The following KIAA1328 variants were observed in gnomAD, a reference collection of about 807,000 sequenced individuals.
KIAA1328 encodes the protein protein hinderin.
A neutral mutation model predicts 68.1 loss-of-function variants in KIAA1328; 52 were observed. The ratio of observed to expected loss-of-function variants is 0.76; its 90% CI spans 0.61 to 0.96. KIAA1328 has a LOEUF of 0.96. Among genes scored for constraint, KIAA1328 ranks in the 40% least tolerant of loss-of-function variants. The pLI, the probability that KIAA1328 is intolerant of heterozygous loss-of-function variation, is 0.00. For synonymous variants in KIAA1328, 232 were observed against 239.4 expected (o/e 0.97, Z 0.28); for missense variants, 641 against 677.6 (o/e 0.95, Z 0.60).
chr18:37,076,837 A>G (rs2056755725), intron 7 of KIAA1328, among the ~76,000 whole-genome samples: 1 of 151,980 alleles, frequency 6.6e-6, no homozygotes, highest in Non-Finnish European at 1.5e-5. Context: ...TTGTGGCAAT[A>G]ATCAATAGCT....
chr18:36,852,945 C>A (rs2047261551), intron 4 of KIAA1328, among the ~76,000 whole-genome samples: 1 of 152,122 alleles, frequency 6.6e-6, no homozygotes, highest in Non-Finnish European at 1.5e-5. Flanking sequence ...TTTATTTTAT[C>A]TTCAGCTATG....
At position 37,223,273 on chromosome 18, in the gene KIAA1328, C is replaced by T; in HGVS notation, c.*1046C>T. 1.0e-6 allele frequency: 1 copy of T among 985,370 alleles called. No homozygotes were observed. Among genetic ancestry groups the T allele is most frequent in the Non-Finnish European group, 1.2e-6 (1 of 830,042 alleles). 61.0% of individuals were successfully genotyped at this position (985,370 alleles called of 1,614,324 possible). ...CATCTCTACTTGCCAGAGTATGTTCCACCACCCAAGCAGGGTCTCCCTACT... is the reference window on the plus strand; with the variant it reads ...CATCTCTACTTGCCAGAGTATGTTCTACCACCCAAGCAGGGTCTCCCTACT... On this transcript the variant is annotated 3_prime_UTR_variant, in exon 10 of 10. Transcript: ENST00000280020.
chr18:36,829,510 G>C (rs900649079), intron 1 of KIAA1328: 3 of 1,119,514 alleles, frequency 2.7e-6, no homozygotes, highest in Non-Finnish European at 3.3e-6. Flanking sequence ...AGGTCCCTCT[G>C]CCCACCCTGT....
At chr18:36,944,415 A>G (rs960556060) in intron 5 of KIAA1328, among the ~76,000 whole-genome samples, 1 of 152,082 alleles carries the variant, frequency 6.6e-6, no homozygotes. Context: ...CATCTCTACT[A>G]AAAACACAAA....
intron 5 of KIAA1328, among the ~76,000 whole-genome samples, chr18:36,908,753 G>C (rs186768336): frequency 6.6e-6 from 1 of 152,182 alleles, no homozygotes; most frequent in East Asian, 1.9e-4. Flanking sequence ...TTGCAGCTGT[G>C]TGAATCCAGA....
At chr18:36,829,624 T>C (rs1198565631) in intron 1 of KIAA1328, among the ~76,000 whole-genome samples, 1 of 152,150 alleles carries the variant, frequency 6.6e-6, no homozygotes, top group Admixed American at 6.5e-5. Context: ...TTTAGGATTG[T>C]CTTTAGTCTG....
At chr18:36,911,149 C>T (rs1204901900) in intron 5 of KIAA1328, among the ~76,000 whole-genome samples, 2 of 152,106 alleles carry the variant, frequency 1.3e-5, no homozygotes, top group Non-Finnish European at 2.9e-5. Context: ...CCCAGATCTA[C>T]CAAAAGCCCT....
At position 37,224,320 on chromosome 18, in the gene KIAA1328, TA is replaced by T. The variant is rs1041847130; in HGVS notation, c.*2096del. On this transcript the variant is annotated 3_prime_UTR_variant, in exon 10 of 10. Coordinates refer to ENST00000280020, the MANE Select transcript of KIAA1328 (RefSeq NM_020776.3). ...GAAGAATCGTAAACAGAGTCTAAACTAAAGGCTTTTTGGGGGTCACAGCCAC... is the reference window on the plus strand; with the variant it reads ...GAAGAATCGTAAACAGAGTCTAAACTAAGGCTTTTTGGGGGTCACAGCCAC... 9.1e-6 allele frequency: 9 copies of T among 985,296 alleles called. No individual in the cohort carries two copies. In the African/African-American group the frequency reaches 1.6e-4, roughly 17 times the overall value. The allele number at this position is 985,296 out of a possible 1,614,324, so 61.0% of individuals were successfully genotyped here. A position where few individuals can be genotyped will look rare whatever the true frequency, so the allele number is the denominator to read the frequency against.
At chr18:37,214,710 G>A (rs1299773073) in intron 9 of KIAA1328, among the ~76,000 whole-genome samples, 1 of 152,150 alleles carries the variant, frequency 6.6e-6, no homozygotes, top group East Asian at 1.9e-4. Context: ...GCTTGATGGG[G>A]ATGGCATTGA....
intron 5 of KIAA1328, among the ~76,000 whole-genome samples, chr18:36,949,113 A>G (rs1338878009): frequency 6.6e-6 from 1 of 152,172 alleles, no homozygotes; most frequent in Non-Finnish European, 1.5e-5. Context: ...GTATGATGGC[A>G]GCTTTTTTTC....
intron 5 of KIAA1328, among the ~76,000 whole-genome samples, chr18:36,946,035 A>T (rs1279213973): frequency 6.6e-6 from 1 of 152,168 alleles, no homozygotes; most frequent in Non-Finnish European, 1.5e-5. Flanking sequence ...TCTTCTGGAC[A>T]TTATGTTCAT....
At chr18:36,892,427 G>C (rs941543827) in intron 5 of KIAA1328, among the ~76,000 whole-genome samples, 12 of 152,070 alleles carry the variant, frequency 7.9e-5, no homozygotes, top group Non-Finnish European at 1.8e-4. Context: ...TGGCAGTGTG[G>C]TGTACTAATA....
In KIAA1328 at chr18:37,201,880, T is replaced by G. The variant is rs189496277; in HGVS notation, c.1524-20137T>G. Reference sequence around the variant, plus strand: ...GTATCAGGGAACTGTATTGACAAGGTACTGGACCAGTCTTTTACCAAGTCT... The same window carrying G: ...GTATCAGGGAACTGTATTGACAAGGGACTGGACCAGTCTTTTACCAAGTCT... On this transcript the variant is annotated intron_variant, in intron 9 of 9. Transcript: ENST00000280020. Among the ~76,000 whole-genome samples, 293 of 152,344 alleles carry G rather than the reference T, an allele frequency of 1.9e-3. 4 individuals carry two copies. The highest frequency in any genetic ancestry group is 6.9e-3 in the African/African-American group (286 of 41,586).
intron 3 of KIAA1328, among the ~76,000 whole-genome samples, chr18:36,843,772 T>A (rs2046936895): frequency 6.6e-6 from 1 of 152,188 alleles, no homozygotes; most frequent in Non-Finnish European, 1.5e-5. Flanking sequence ...TATTACTCTT[T>A]GGTTTAGTAC....
chr18:36,840,985 A>G (rs1227413641), intron 3 of KIAA1328, among the ~76,000 whole-genome samples: 2 of 152,132 alleles, frequency 1.3e-5, no homozygotes, highest in African/African-American at 4.8e-5. Flanking sequence ...ACAGGAGAGG[A>G]AAAGAAGGAA....
At chr18:37,152,096 T>TAAAAAAA (rs376117913) in intron 7 of KIAA1328, among the ~76,000 whole-genome samples, 2 of 84,698 alleles carry the variant, frequency 2.4e-5, no homozygotes, top group African/African-American at 4.2e-5. Context: ...TGGACCTATG[T>TAAAAAAA]AAAAAAAAAA....
chr18:37,116,919 A>C (rs1015078566), intron 7 of KIAA1328, among the ~76,000 whole-genome samples: 2 of 152,248 alleles, frequency 1.3e-5, no homozygotes, highest in Non-Finnish European at 2.9e-5. Context: ...AATGCTCATC[A>C]TCACTGGCCA....
chr18:37,156,355 G>A (rs2059151657), intron 7 of KIAA1328, among the ~76,000 whole-genome samples: 1 of 149,918 alleles, frequency 6.7e-6, no homozygotes, highest in Non-Finnish European at 1.5e-5. Flanking sequence ...GAACCCGGGA[G>A]GCAGAGGTTG....
intron 5 of KIAA1328, among the ~76,000 whole-genome samples, chr18:36,925,969 C>CT (rs1022755277): frequency 3.3e-5 from 5 of 151,770 alleles, no homozygotes; most frequent in African/African-American, 1.2e-4. Context: ...TTGATTTCTT[C>CT]TTTTTTTAGG....
Sources: allele counts gnomAD v4.1 joint callset (sites outside exome capture counted in the v4.1 genomes callset), GRCh38; gene constraint gnomAD v4.1.1; transcripts MANE v1.5; gene names NCBI Gene and HGNC (gene_info 2026-07-23, HGNC 2026-07-21).